CTIF: variants seen among roughly 807,000 people sequenced by gnomAD.
The protein encoded by CTIF is cap binding complex dependent translation initiation factor.
A neutral mutation model predicts 66.0 loss-of-function variants in CTIF; 21 were observed. The ratio of observed to expected loss-of-function variants is 0.32; its 90% confidence interval spans 0.23 to 0.46. The LOEUF is 0.46. Among genes scored for constraint, CTIF ranks in the 20% least tolerant of loss-of-function variants. CTIF has a pLI of 1.00. For synonymous variants in CTIF, 345 were observed against 326.4 expected (o/e 1.06, Z -0.62); for missense variants, 739 against 812.7 (o/e 0.91, Z 1.10).
At chr18:48,603,762 A>G (rs2090151020) in intron 1 of CTIF, among the ~76,000 whole-genome samples, 1 of 152,004 alleles carries the variant, frequency 6.6e-6, no homozygotes, top group African/African-American at 2.4e-5. Flanking sequence ...CATGAGATGC[A>G]TCCTCATCTT....
intron 9 of CTIF, among the ~76,000 whole-genome samples, chr18:48,788,263 G>A (rs1419917120): frequency 2.0e-5 from 3 of 152,166 alleles, no homozygotes; most frequent in Non-Finnish European, 2.9e-5. Context: ...GGGCCAGTGC[G>A]TCCCAGCTTT....
chr18:48,746,280 A>G (rs1448316955), intron 7 of CTIF, among the ~76,000 whole-genome samples: 1 of 151,906 alleles, frequency 6.6e-6, no homozygotes, highest in African/African-American at 2.4e-5. Context: ...CACACCCATG[A>G]CACCTGCCTG....
At chr18:48,744,175 A>C (rs1167168745) in intron 7 of CTIF, among the ~76,000 whole-genome samples, 1 of 152,192 alleles carries the variant, frequency 6.6e-6, no homozygotes, top group African/African-American at 2.4e-5. Context: ...TATTGGTTCC[A>C]AGTACACAGA....
At chr18:48,682,073 A>G (rs2091755647) in intron 6 of CTIF, among the ~76,000 whole-genome samples, 1 of 151,746 alleles carries the variant, frequency 6.6e-6, no homozygotes, top group Non-Finnish European at 1.5e-5. Flanking sequence ...GGTGTGAGCC[A>G]CCGTGCCCAG....
chr18:48,702,893 T>C (rs983334331), intron 6 of CTIF, among the ~76,000 whole-genome samples: 1 of 151,444 alleles, frequency 6.6e-6, no homozygotes, highest in African/African-American at 2.4e-5. Flanking sequence ...AGAGAGACCT[T>C]GGTAGGATAA....
intron 7 of CTIF, among the ~76,000 whole-genome samples, chr18:48,746,019 G>C (rs1346082466): frequency 6.6e-6 from 1 of 152,222 alleles, no homozygotes; most frequent in Non-Finnish European, 1.5e-5. Flanking sequence ...TAAGTCATGA[G>C]TGGAGGAGGC....
At chr18:48,669,681 T>C (rs1446324108) in intron 5 of CTIF, among the ~76,000 whole-genome samples, 1 of 150,772 alleles carries the variant, frequency 6.6e-6, no homozygotes, top group Non-Finnish European at 1.5e-5. Flanking sequence ...TACCAGTATT[T>C]ACCATTAAAC....
intron 7 of CTIF, among the ~76,000 whole-genome samples, chr18:48,712,502 C>T (rs576764066): frequency 6.6e-6 from 1 of 152,174 alleles, no homozygotes; most frequent in East Asian, 1.9e-4. Flanking sequence ...ATATTTTTTG[C>T]TTGAACATGC....
At chr18:48,580,523 C>T (rs1476635921) in intron 1 of CTIF, among the ~76,000 whole-genome samples, 1 of 152,214 alleles carries the variant, frequency 6.6e-6, no homozygotes, top group Non-Finnish European at 1.5e-5. Context: ...CACACCTCAC[C>T]TGTGTTGCTT....
intron 1 of CTIF, among the ~76,000 whole-genome samples, chr18:48,574,468 A>C (rs2089486294): frequency 6.6e-6 from 1 of 152,220 alleles, no homozygotes. Flanking sequence ...AGAGTTCTGC[A>C]CTTTGGGCAG....
intron 10 of CTIF, chr18:48,826,766 T>A (rs747744649): frequency 7.2e-5 from 11 of 152,232 alleles, no homozygotes; most frequent in Non-Finnish European, 1.5e-4. Flanking sequence ...AGACAATGCT[T>A]CTTATTGAAC....
chr18:48,705,592 A>G (rs1382643712), intron 6 of CTIF, among the ~76,000 whole-genome samples: 3 of 152,236 alleles, frequency 2.0e-5, no homozygotes, highest in Non-Finnish European at 4.4e-5. Flanking sequence ...AGGACTTTAC[A>G]GATGGGATCA....
At chr18:48,659,175 T>A (rs746369323) in intron 3 of CTIF, among the ~76,000 whole-genome samples, 1 of 152,122 alleles carries the variant, frequency 6.6e-6, no homozygotes, top group African/African-American at 2.4e-5. Flanking sequence ...GGTGTCCAGA[T>A]TCTTGATATG....
intron 1 of CTIF, among the ~76,000 whole-genome samples, chr18:48,576,687 G>C (rs183753461): frequency 1.3e-5 from 2 of 152,232 alleles, no homozygotes; most frequent in Admixed American, 6.5e-5. Context: ...GGTGCCCTGA[G>C]TACAGGATTT....
rs1460659289 is a variant in CTIF at position 48,835,048 on chromosome 18, C to A, written c.1527+17672C>A. Among the ~76,000 whole-genome samples the A allele has an allele frequency of 3.9e-5, 6 of 152,354 alleles. No individual in the cohort carries two copies. In the South Asian group the frequency reaches 8.3e-4, roughly 21 times the overall value. ...AACCAAGGTTTGCGTGTCAGACTTGCGTGATTTCAAATCCCATGTTCGTGG... is the reference window on the plus strand; with the variant it reads ...AACCAAGGTTTGCGTGTCAGACTTGAGTGATTTCAAATCCCATGTTCGTGG... On this transcript the variant is annotated intron_variant, in intron 10 of 11. Coordinates refer to ENST00000256413, the MANE Select transcript of CTIF (RefSeq NM_014772.3).
intron 3 of CTIF, among the ~76,000 whole-genome samples, chr18:48,655,085 C>T (rs1011651105): frequency 2.0e-5 from 3 of 151,640 alleles, no homozygotes; most frequent in South Asian, 2.1e-4. Context: ...AACAAACCTG[C>T]GCATTGTGCA....
chr18:48,713,915 G>A (rs995632725), intron 7 of CTIF, among the ~76,000 whole-genome samples: 1 of 152,212 alleles, frequency 6.6e-6, no homozygotes, highest in African/African-American at 2.4e-5. Flanking sequence ...TGTGCTCGTC[G>A]GGGCGCCCCG....
intron 9 of CTIF, among the ~76,000 whole-genome samples, chr18:48,811,013 T>G: frequency 6.6e-6 from 1 of 152,126 alleles, no homozygotes; most frequent in African/African-American, 2.4e-5. Flanking sequence ...TTTTTTTCTC[T>G]GATTCCCAAG....
chr18:48,606,331 T>C (rs113841297), intron 1 of CTIF, among the ~76,000 whole-genome samples: 403 of 152,340 alleles, frequency 2.6e-3, no homozygotes, highest in African/African-American at 9.2e-3. Context: ...ATGCTCAGGA[T>C]TGGAGTCAGA....
Sources: gnomAD v4.1 joint callset for allele counts (sites outside exome capture counted in the v4.1 genomes callset) on GRCh38, gnomAD v4.1.1 for gene constraint, MANE v1.5 for transcripts, NCBI Gene and HGNC (gene_info 2026-07-23, HGNC 2026-07-21) for gene names.